Variants in GREM2 observed in about 807,000 individuals in gnomAD.
GREM2 encodes gremlin-2.
A neutral mutation model predicts 14.2 loss-of-function variants in GREM2; 11 were observed. That is an observed-to-expected ratio of 0.78 (90% CI 0.49 to 1.28). The LOEUF (loss-of-function observed/expected upper bound fraction) is 1.28. Ranked by LOEUF, GREM2 falls within the 50% of genes most tolerant of loss-of-function variation. GREM2 has a pLI of 0.00. For synonymous variants in GREM2, 98 were observed against 97.6 expected, an observed-to-expected ratio of 1.00 and a Z score of -0.02; for missense variants, 210 against 218.5, an observed-to-expected ratio of 0.96 and a Z score of 0.24.
chr1:240,565,716 A>G (rs1284740062), intron 1 of GREM2, among the ~76,000 whole-genome samples: 7 of 151,766 alleles, frequency 4.6e-5, no homozygotes, highest in Non-Finnish European at 1.5e-5. Flanking sequence ...TGTGGTGGTG[A>G]GTGCCTGTAG....
chr1:240,509,611 G>A (rs545513867), intron 1 of GREM2, among the ~76,000 whole-genome samples: 87 of 151,822 alleles, frequency 5.7e-4, no homozygotes, highest in African/African-American at 1.6e-3. Flanking sequence ...CAGGTGATCC[G>A]CCCGCCTCAG....
intron 1 of GREM2, among the ~76,000 whole-genome samples, chr1:240,527,829 G>C (rs915152968): frequency 2.6e-5 from 4 of 152,038 alleles, no homozygotes; most frequent in Non-Finnish European, 5.9e-5. Flanking sequence ...TCCAAGTGTC[G>C]TATTTCTATC....
chr1:240,558,798 ATATT>A (rs1047289502), intron 1 of GREM2, among the ~76,000 whole-genome samples: 12 of 152,010 alleles, frequency 7.9e-5, no homozygotes, highest in Admixed American at 5.9e-4. Context: ...ACAATTTTAA[ATATT>A]TATTTATTTA....
At chr1:240,537,380 T>G (rs1195495940) in intron 1 of GREM2, among the ~76,000 whole-genome samples, 2 of 152,156 alleles carry the variant, frequency 1.3e-5, no homozygotes, top group Non-Finnish European at 2.9e-5. Context: ...AGCCTCTCTG[T>G]TCTCTGAAGT....
chr1:240,512,221 G>C (rs1247946216), intron 1 of GREM2, among the ~76,000 whole-genome samples: 1 of 152,148 alleles, frequency 6.6e-6, no homozygotes, highest in African/African-American at 2.4e-5. Flanking sequence ...GAATTTACTG[G>C]TGAAGAATAA....
chr1:240,600,504 A>T (rs1034983365), intron 1 of GREM2, among the ~76,000 whole-genome samples: 1 of 151,426 alleles, frequency 6.6e-6, no homozygotes, highest in Non-Finnish European at 1.5e-5. Flanking sequence ...CTTTTTTGAG[A>T]TGGAGTTTTG....
At chr1:240,499,880 T>C (rs999106275) in intron 1 of GREM2, among the ~76,000 whole-genome samples, 3 of 152,244 alleles carry the variant, frequency 2.0e-5, no homozygotes, top group African/African-American at 7.2e-5. Context: ...GACCTGAATA[T>C]AATGCCCATG....
At chr1:240,592,308 T>A (rs1388737057) in intron 1 of GREM2, among the ~76,000 whole-genome samples, 1 of 152,186 alleles carries the variant, frequency 6.6e-6, no homozygotes, top group Non-Finnish European at 1.5e-5. Context: ...CTTATAACTT[T>A]TTATTGTGCC....
intron 1 of GREM2, among the ~76,000 whole-genome samples, chr1:240,505,829 T>C (rs1677664456): frequency 6.6e-6 from 1 of 151,966 alleles, no homozygotes; most frequent in Non-Finnish European, 1.5e-5. Flanking sequence ...AGAACTACAA[T>C]GAAATATGAA....
intron 1 of GREM2, among the ~76,000 whole-genome samples, chr1:240,589,810 G>C (rs570679076): frequency 1.3e-5 from 2 of 152,330 alleles, no homozygotes; most frequent in South Asian, 4.1e-4. Flanking sequence ...CCTTTGGGAG[G>C]ACAGAGGAAG....
chr1:240,600,425 T>C (rs1407211247), intron 1 of GREM2, among the ~76,000 whole-genome samples: 1 of 152,194 alleles, frequency 6.6e-6, no homozygotes, highest in Non-Finnish European at 1.5e-5. Context: ...TACCTATGTG[T>C]CCATGTCTTT....
At chr1:240,572,133 CA>C (rs1056933019) in intron 1 of GREM2, among the ~76,000 whole-genome samples, 4 of 152,230 alleles carry the variant, frequency 2.6e-5, no homozygotes, top group Non-Finnish European at 4.4e-5. Context: ...TCTCCAGCTT[CA>C]ATTACAACTA....
intron 1 of GREM2, among the ~76,000 whole-genome samples, chr1:240,504,730 A>G (rs1444698330): frequency 6.6e-6 from 1 of 152,246 alleles, no homozygotes; most frequent in Non-Finnish European, 1.5e-5. Context: ...AACCAAAATT[A>G]AAGGAGAATC....
intron 1 of GREM2, among the ~76,000 whole-genome samples, chr1:240,534,410 C>T (rs892349641): frequency 6.6e-6 from 1 of 152,160 alleles, no homozygotes; most frequent in African/African-American, 2.4e-5. Flanking sequence ...GTGCAAAAGG[C>T]CGGGTGCAGT....
rs1056696877 is a variant in GREM2 at position 240,578,342 on chromosome 1, T to C, written c.-2+33542A>G. ...GGTTTTACCGTGTTGGCCAGGCTGG[T>C]CTTGAACTCCTGACCTCAAGTGATC... On this transcript the variant is annotated intron_variant, in intron 1 of 1. Coordinates refer to ENST00000318160, the MANE Select transcript of GREM2 (RefSeq NM_022469.4). Among the ~76,000 whole-genome samples the C allele has an allele frequency of 9.3e-5, 14 of 151,104 alleles. 1 individual carries two copies. Among genetic ancestry groups the C allele is most frequent in the African/African-American group, 3.1e-4 (13 of 41,342 alleles).
intron 1 of GREM2, among the ~76,000 whole-genome samples, chr1:240,512,791 G>A (rs947210985): frequency 2.0e-5 from 3 of 152,130 alleles, no homozygotes; most frequent in African/African-American, 7.2e-5. Flanking sequence ...ATACATTTAA[G>A]TTATTAAAGT....
At chr1:240,504,141 T>G (rs757691154) in intron 1 of GREM2, among the ~76,000 whole-genome samples, 1 of 152,184 alleles carries the variant, frequency 6.6e-6, no homozygotes, top group Non-Finnish European at 1.5e-5. Flanking sequence ...TATCTAGCTA[T>G]CAAAATCAGA....
At chr1:240,538,019 A>G (rs749886640) in intron 1 of GREM2, among the ~76,000 whole-genome samples, 7 of 152,252 alleles carry the variant, frequency 4.6e-5, no homozygotes, top group African/African-American at 7.2e-5. Flanking sequence ...TATTAAAACT[A>G]AAGAAACACT....
At position 240,504,286 on chromosome 1, in the gene GREM2, A is replaced by C. The variant is rs1385946030; in HGVS notation, c.-1-10810T>G. On this transcript the variant is annotated intron_variant, in intron 1 of 1. Transcript: ENST00000318160. ...CCCCTCTTTGCTCCTTCAATCACTGATCTAATATTCTTTGTTATTTCTCAT... is the reference window on the plus strand; with the variant it reads ...CCCCTCTTTGCTCCTTCAATCACTGCTCTAATATTCTTTGTTATTTCTCAT... 5.3e-5 allele frequency among the ~76,000 whole-genome samples: 8 copies of C among 152,108 alleles called. No individual in the cohort carries two copies. The East Asian group carries it at 1.5e-3, about 29-fold the overall frequency.
Sources: allele counts gnomAD v4.1 joint callset (sites outside exome capture counted in the v4.1 genomes callset), GRCh38; gene constraint gnomAD v4.1.1; transcripts MANE v1.5; gene names NCBI Gene and HGNC (gene_info 2026-07-23, HGNC 2026-07-21).